Variants in SSBP2 observed in about 807,000 individuals in gnomAD.
SSBP2 encodes single-stranded DNA-binding protein 2.
In SSBP2, 17 loss-of-function variants were observed where a neutral mutation model predicts 61.8. The ratio of observed to expected loss-of-function variants is 0.28; its 90% confidence interval spans 0.19 to 0.41. The LOEUF (loss-of-function observed/expected upper bound fraction) is 0.41. Among genes scored for constraint, SSBP2 ranks in the 10% least tolerant of loss-of-function variants. SSBP2 has a pLI of 1.00. For missense variants in SSBP2, 310 were observed against 458.7 expected (o/e 0.68, Z 2.96); for synonymous variants, 139 against 141.3 (o/e 0.98, Z 0.12).
chr5:81,587,761 G>GCGCA (rs1554092917), intron 4 of SSBP2, among the ~76,000 whole-genome samples: 1 of 129,364 alleles, frequency 7.7e-6, no homozygotes, highest in Non-Finnish European at 1.7e-5. Context: ...ACACACGCGC[G>GCGCA]CGCACACACA....
chr5:81,708,416 CAATAT>C, intron 1 of SSBP2, among the ~76,000 whole-genome samples: 2 of 152,112 alleles, frequency 1.3e-5, no homozygotes, highest in Admixed American at 1.3e-4. Context: ...AAGCATTAAA[CAATAT>C]AATATAGAAA....
chr5:81,703,389 T>C (rs1754128130), intron 1 of SSBP2, among the ~76,000 whole-genome samples: 1 of 152,044 alleles, frequency 6.6e-6, no homozygotes, highest in African/African-American at 2.4e-5. Flanking sequence ...GCTTGTTAGA[T>C]GGACACTCAA....
intron 1 of SSBP2, among the ~76,000 whole-genome samples, chr5:81,719,199 G>A (rs1028191223): frequency 3.3e-5 from 5 of 152,108 alleles, no homozygotes; most frequent in African/African-American, 1.2e-4. Flanking sequence ...AGAAATTCAT[G>A]GGGTGTTTTC....
intron 4 of SSBP2, among the ~76,000 whole-genome samples, chr5:81,591,503 A>C (rs770003698): frequency 1.3e-5 from 2 of 152,246 alleles, no homozygotes; most frequent in Non-Finnish European, 2.9e-5. Context: ...GAAGCTTAAA[A>C]TATTTATGAC....
intron 4 of SSBP2, among the ~76,000 whole-genome samples, chr5:81,551,117 A>G (rs1264519340): frequency 6.9e-6 from 1 of 145,664 alleles, no homozygotes; most frequent in Admixed American, 6.8e-5. Flanking sequence ...AAAAAAAAAG[A>G]AATCATAGAA....
At chr5:81,582,848 C>T (rs1417498244) in intron 4 of SSBP2, among the ~76,000 whole-genome samples, 1 of 152,146 alleles carries the variant, frequency 6.6e-6, no homozygotes, top group African/African-American at 2.4e-5. Flanking sequence ...CCCACCTCAG[C>T]CTCCCAAAGT....
chr5:81,512,370 T>C (rs1163825298), intron 5 of SSBP2, among the ~76,000 whole-genome samples: 1 of 152,212 alleles, frequency 6.6e-6, no homozygotes, highest in Non-Finnish European at 1.5e-5. Context: ...AGGGATATTG[T>C]GAGGATTAGA....
intron 1 of SSBP2, among the ~76,000 whole-genome samples, chr5:81,681,053 T>C (rs984849977): frequency 6.6e-6 from 1 of 152,114 alleles, no homozygotes; most frequent in African/African-American, 2.4e-5. Flanking sequence ...TTTAAAAGGA[T>C]AGAAATCATA....
At chr5:81,651,564 A>G (rs763551324) in intron 1 of SSBP2, among the ~76,000 whole-genome samples, 2 of 152,180 alleles carry the variant, frequency 1.3e-5, no homozygotes, top group Non-Finnish European at 1.5e-5. Context: ...GGATGAATGT[A>G]ATTTAGAAAC....
At chr5:81,675,356 G>GAAGA (rs1751882409) in intron 1 of SSBP2, among the ~76,000 whole-genome samples, 1 of 152,106 alleles carries the variant, frequency 6.6e-6, no homozygotes, top group Admixed American at 6.6e-5. Context: ...ATTGAAGTGG[G>GAAGA]AAGACTTAAA....
At chr5:81,485,104 T>C (rs912790024) in intron 6 of SSBP2, among the ~76,000 whole-genome samples, 2 of 152,170 alleles carry the variant, frequency 1.3e-5, no homozygotes, top group African/African-American at 2.4e-5. Flanking sequence ...ATTTTATCCA[T>C]GGGAAGGATA....
chr5:81,727,730 T>C (rs1755987609), intron 1 of SSBP2, among the ~76,000 whole-genome samples: 1 of 152,210 alleles, frequency 6.6e-6, no homozygotes, highest in East Asian at 1.9e-4. Flanking sequence ...CATTTGCTCA[T>C]TCAATAAATA....
chr5:81,536,674 C>T, intron 4 of SSBP2, among the ~76,000 whole-genome samples: 1 of 152,122 alleles, frequency 6.6e-6, no homozygotes, highest in East Asian at 1.9e-4. Flanking sequence ...TTAAAAACTT[C>T]ACCTATGCGC....
chr5:81,513,034 A>C (rs2154083099), intron 5 of SSBP2, among the ~76,000 whole-genome samples: 1 of 152,186 alleles, frequency 6.6e-6, no homozygotes, highest in Admixed American at 6.5e-5. Flanking sequence ...AAAGTTAAAT[A>C]CTGTATTGTC....
At chr5:81,573,934 A>C (rs1561554043) in intron 4 of SSBP2, among the ~76,000 whole-genome samples, 1 of 152,052 alleles carries the variant, frequency 6.6e-6, no homozygotes, top group Non-Finnish European at 1.5e-5. Flanking sequence ...AGGTCAGGAG[A>C]TTGAGACCAT....
chr5:81,604,839 C>A (rs1744723523), intron 4 of SSBP2, among the ~76,000 whole-genome samples: 1 of 151,944 alleles, frequency 6.6e-6, no homozygotes, highest in Non-Finnish European at 1.5e-5. Context: ...ATCTTAATTT[C>A]TTTAAAATTT....
rs1431785539 is a variant in SSBP2, at chr5:81,455,612, C to T, written c.687+5443G>A. ...CCGCAGTCCGGCCTGGGCGACAGAG[C>T]GAGACTCCGTCTCAAAAAAAAAAAA... On this transcript the variant is annotated intron_variant, in intron 10 of 16. Transcript: ENST00000320672. Among the ~76,000 whole-genome samples the T allele has an allele frequency of 1.6e-4, 6 of 38,508 alleles. 1 individual carries two copies. The South Asian group carries it at 2.1e-3, about 13-fold the overall frequency. 25.3% of individuals were successfully genotyped at this position (38,508 alleles called of 152,430 possible). A position where few individuals can be genotyped will look rare whatever the true frequency, so the allele number is the denominator to read the frequency against.
At chr5:81,496,161 A>G (rs1767258934) in intron 5 of SSBP2, among the ~76,000 whole-genome samples, 1 of 152,124 alleles carries the variant, frequency 6.6e-6, no homozygotes, top group African/African-American at 2.4e-5. Context: ...TAGCTTCCAA[A>G]TTTGAAAACC....
intron 4 of SSBP2, among the ~76,000 whole-genome samples, chr5:81,602,080 CT>C (rs989073098): frequency 3.9e-5 from 6 of 152,104 alleles, no homozygotes; most frequent in African/African-American, 1.4e-4. Context: ...AAGTACCTCT[CT>C]GTGTTCTGGG....
Sources: allele counts gnomAD v4.1 joint callset (sites outside exome capture counted in the v4.1 genomes callset), GRCh38; gene constraint gnomAD v4.1.1; transcripts MANE v1.5; gene names NCBI Gene and HGNC (gene_info 2026-07-23, HGNC 2026-07-21).